MAP4K5: variants seen among roughly 807,000 people sequenced by gnomAD.
The protein encoded by MAP4K5 is mitogen-activated protein kinase kinase kinase kinase 5, also known as MAPK/ERK kinase kinase kinase 5.
In MAP4K5, 82 loss-of-function variants were observed where a neutral mutation model predicts 135.6. That is an observed-to-expected ratio of 0.60 (90% CI 0.51 to 0.73). The LOEUF is 0.73. MAP4K5 is among the 30% of genes least tolerant of loss of function. The pLI is 0.00. For missense variants in MAP4K5, 907 were observed against 1,010.9 expected (o/e 0.90, Z 1.39); for synonymous variants, 347 against 335.0 (o/e 1.04, Z -0.39).
intron 2 of MAP4K5, among the ~76,000 whole-genome samples, chr14:50,531,225 G>C (rs1566699748): frequency 6.6e-6 from 1 of 152,122 alleles, no homozygotes; most frequent in South Asian, 2.1e-4. Context: ...CCTAAATTAG[G>C]TGTAACTTAC....
In MAP4K5 at chr14:50,487,033, T is replaced by C. The variant is rs577263401; in HGVS notation, c.167-839A>G. On this transcript the variant is annotated intron_variant, in intron 3 of 32. Transcript: ENST00000682126. ...AAGTCAGAGATATTTTTTCCCTTTATACTTTCAACTTTTTCAGTTCAAAAC... is the reference window on the plus strand; with the variant it reads ...AAGTCAGAGATATTTTTTCCCTTTACACTTTCAACTTTTTCAGTTCAAAAC... 3.9e-5 allele frequency among the ~76,000 whole-genome samples: 6 copies of C among 152,356 alleles called. No individual in the cohort carries two copies. In the South Asian group the frequency reaches 1.2e-3, roughly 32 times the overall value.
At chr14:50,558,171 C>G (rs1178719556) in intron 1 of MAP4K5, among the ~76,000 whole-genome samples, 2 of 152,126 alleles carry the variant, frequency 1.3e-5, no homozygotes, top group Non-Finnish European at 1.5e-5. Context: ...TTGAGACCAG[C>G]CTGGGCAACA....
At chr14:50,556,848 A>G (rs1345676488) in intron 1 of MAP4K5, among the ~76,000 whole-genome samples, 1 of 152,216 alleles carries the variant, frequency 6.6e-6, no homozygotes, top group Admixed American at 6.5e-5. Context: ...TGATCAAATA[A>G]TGTTCTATTA....
Position 50,490,913 on chromosome 14 carries a change from G to T in MAP4K5, c.167-4719C>A, listed in dbSNP as rs1413216759. ...AAAGTAGAAATCTTGGGAAGCAAAA[G>T]ACTAGAATTTTAGAGTTTCCTAATA... On this transcript the variant is annotated intron_variant, in intron 3 of 32. Coordinates refer to ENST00000682126, the MANE Select transcript of MAP4K5 (RefSeq NM_006575.6). Among the ~76,000 whole-genome samples the T allele has an allele frequency of 7.2e-5, 11 of 152,294 alleles. No individual in the cohort carries two copies. In the East Asian group the frequency reaches 2.1e-3, roughly 29 times the overall value.
intron 3 of MAP4K5, among the ~76,000 whole-genome samples, chr14:50,492,262 T>A (rs903822424): frequency 6.6e-6 from 1 of 151,858 alleles, no homozygotes; most frequent in African/African-American, 2.4e-5. Flanking sequence ...AAAGCACAGG[T>A]AACAAAAGCA....
At chr14:50,456,410 G>T in intron 14 of MAP4K5, 106 bp downstream of exon 14, 1 of 809,198 alleles carries the variant, frequency 1.2e-6, no homozygotes, top group Non-Finnish European at 2.1e-6. Flanking sequence ...CTGATATGTT[G>T]AAGTATGTAG....
chr14:50,428,405 G>A (rs535010929), intron 30 of MAP4K5, among the ~76,000 whole-genome samples: 6 of 151,422 alleles, frequency 4.0e-5, no homozygotes, highest in Middle Eastern at 3.4e-3. Context: ...ACAGGCACCC[G>A]CCAGCATGCC....
At chr14:50,485,814 G>C (rs1054906643) in intron 4 of MAP4K5, 172 bp from the exon 5 acceptor site, 39 of 562,594 alleles carry the variant, frequency 6.9e-5, no homozygotes, top group Non-Finnish European at 1.2e-4. Context: ...TTTCAGCTTT[G>C]TTCCCATCTT....
intron 16 of MAP4K5, among the ~76,000 whole-genome samples, chr14:50,446,655 T>A (rs1257785877): frequency 6.6e-6 from 1 of 152,162 alleles, no homozygotes; most frequent in Non-Finnish European, 1.5e-5. Context: ...CTTTCAGGAT[T>A]CTTAGATCCA....
chr14:50,434,249 C>T, intron 28 of MAP4K5, 145 bp downstream of exon 28: 1 of 611,478 alleles, frequency 1.6e-6, no homozygotes, highest in Non-Finnish European at 2.8e-6. Flanking sequence ...AATATACGTA[C>T]ACGGTTCTAT....
upstream of MAP4K5, among the ~76,000 whole-genome samples, chr14:50,535,399 A>G (rs1024666561): frequency 3.3e-5 from 5 of 152,262 alleles, no homozygotes; most frequent in African/African-American, 1.2e-4. Context: ...ACTTTAGTCT[A>G]TTGAACATAC....
chr14:50,524,197 C>T (rs561788958), intron 2 of MAP4K5, among the ~76,000 whole-genome samples: 1 of 152,272 alleles, frequency 6.6e-6, no homozygotes, highest in African/African-American at 2.4e-5. Flanking sequence ...ATCACTCAGT[C>T]TTGATGAAAG....
intron 2 of MAP4K5, among the ~76,000 whole-genome samples, chr14:50,511,746 C>T (rs564094458): frequency 3.9e-4 from 60 of 152,024 alleles, no homozygotes; most frequent in African/African-American, 1.3e-3. Flanking sequence ...CAAAAAGATA[C>T]GGAAGAATCC....
At chr14:50,464,218 G>T in intron 11 of MAP4K5, 85 bp from the exon 12 acceptor site, 1 of 666,032 alleles carries the variant, frequency 1.5e-6, no homozygotes, top group Non-Finnish European at 2.6e-6. Context: ...GGAACAGTTA[G>T]TCTAAAACAC....
chr14:50,527,069 T>C (rs1595551423), intron 2 of MAP4K5, among the ~76,000 whole-genome samples: 2 of 152,172 alleles, frequency 1.3e-5, no homozygotes, highest in South Asian at 2.1e-4. Flanking sequence ...TGACTGGGTG[T>C]GGTGGCTCAC....
At chr14:50,422,450 C>T (rs1265374051) in intron 32 of MAP4K5, among the ~76,000 whole-genome samples, 1 of 152,084 alleles carries the variant, frequency 6.6e-6, no homozygotes, top group Non-Finnish European at 1.5e-5. Flanking sequence ...ATCCTTGTCT[C>T]AGGACTAATG....
chr14:50,469,174 C>T (rs969780872), intron 9 of MAP4K5, among the ~76,000 whole-genome samples: 4 of 152,168 alleles, frequency 2.6e-5, no homozygotes, highest in South Asian at 4.2e-4. Flanking sequence ...TGACAGGAAA[C>T]GAGTACAAAT....
intron 2 of MAP4K5, among the ~76,000 whole-genome samples, chr14:50,519,050 T>A (rs1054187593): frequency 1.3e-5 from 2 of 152,118 alleles, no homozygotes; most frequent in African/African-American, 2.4e-5. Flanking sequence ...CCAGCATTAT[T>A]TACAATAAAG....
At chr14:50,558,118 A>T (rs1429242224) in intron 1 of MAP4K5, among the ~76,000 whole-genome samples, 2 of 152,214 alleles carry the variant, frequency 1.3e-5, no homozygotes, top group African/African-American at 2.4e-5. Flanking sequence ...AAAAGACATG[A>T]CATCAAGAGG....
Sources: allele counts gnomAD v4.1 joint callset (sites outside exome capture counted in the v4.1 genomes callset), GRCh38; gene constraint gnomAD v4.1.1; transcripts MANE v1.5; gene names NCBI Gene and HGNC (gene_info 2026-07-23, HGNC 2026-07-21).